The following PLCD4 variants were observed in gnomAD, a reference collection of about 807,000 sequenced individuals.
The protein encoded by PLCD4 is phospholipase C delta 4.
In PLCD4, 63 loss-of-function variants were observed where a neutral mutation model predicts 90.2. The observed-to-expected ratio is 0.70, with a 90% confidence interval of 0.57 to 0.86. PLCD4 has a LOEUF of 0.86. Among genes scored for constraint, PLCD4 ranks in the 40% least tolerant of loss-of-function variants. PLCD4 has a pLI of 0.00. For synonymous variants in PLCD4, 294 were observed against 356.5 expected (o/e 0.82, Z 1.97); for missense variants, 830 against 956.3 (o/e 0.87, Z 1.74).
At chr2:218,622,574 A>G in intron 5 of PLCD4, 73 bp from the exon 6 acceptor site, 1 of 1,134,550 alleles carries the variant, frequency 8.8e-7, no homozygotes, top group Non-Finnish European at 1.2e-6. Context: ...ATTTAAAAAA[A>G]AATTTTTTTA....
intron 3 of PLCD4, among the ~76,000 whole-genome samples, chr2:218,616,798 T>C (rs1695600992): frequency 6.8e-6 from 1 of 147,608 alleles, no homozygotes; most frequent in Non-Finnish European, 1.5e-5. Context: ...GATTAAACAG[T>C]ACCTGCTTAG....
Position 218,636,734 on chromosome 2 carries a change from G to A in PLCD4, c.*157G>A, listed in dbSNP as rs1696781556. ...CCTCATTCTTCCTAACAAGCAATCT[G>A]GGACCTGATTTTCCACCTTTTTTCT... On this transcript the variant is annotated 3_prime_UTR_variant, in exon 16 of 16. Transcript: ENST00000450993. The A allele has an allele frequency of 1.3e-6, 1 of 790,218 alleles. No homozygotes were observed. The highest frequency in any genetic ancestry group is 1.7e-5 in the African/African-American group (1 of 57,772). The allele number at this position is 790,218 out of a possible 1,614,324, so 49.0% of individuals were successfully genotyped here.
Position 218,636,364 on chromosome 2 carries a change from C to T in PLCD4, c.2154C>T (p.Tyr718=), listed in dbSNP as rs1239549686. ...WKSRNDFIGQ[Y]TLPWTCMQQG... ...CCCGAAATGACTTTATTGGTCAGTA[C>T]ACCCTGCCTTGGACCTGCATGCAAC... The change falls in exon 15 of 16, where the codon TAC becomes TAT. Residue 718 remains tyrosine, a synonymous_variant. Transcript: ENST00000450993. The T allele has an allele frequency of 6.2e-7, 1 of 1,614,016 alleles. No individual in the cohort carries two copies. Among genetic ancestry groups the T allele is most frequent in the South Asian group, 1.1e-5 (1 of 91,084 alleles).
intron 4 of PLCD4, among the ~76,000 whole-genome samples, chr2:218,619,266 C>CATAT (rs3074252): frequency 4.6e-4 from 68 of 146,800 alleles, no homozygotes; most frequent in African/African-American, 1.6e-3. Flanking sequence ...TATAGGGGTA[C>CATAT]ATATATATAT....
chr2:218,635,917 A>C lies in PLCD4; in HGVS notation c.2018A>C (p.Tyr673Ser). ...GACACAGCACGGCAGGAGACCAACT[A>C]TGTGGAGAACAATGGTGAGAAACTG... is the stretch of plus-strand genomic sequence containing the variant. The part of the protein sequence containing the change: ...RLDTARQETN[Y>S]VENNGFNPYW... Residue 673 changes from tyrosine to serine, a missense_variant, in exon 14 of 16, where the codon TAT becomes TCT. Tyr to Ser is a moderately radical substitution (Grantham distance 144, BLOSUM62 -2). Transcript: ENST00000450993. The C allele has an allele frequency of 2.5e-6, 4 of 1,614,010 alleles. No homozygotes were observed. The highest frequency in any genetic ancestry group is 2.5e-6 in the Non-Finnish European group (3 of 1,179,890).
In PLCD4 at chr2:218,629,505, T is replaced by C; in HGVS notation, c.975-14T>C. Reference sequence around the variant, plus strand: ...GACCTCTCCTATTTCTCGGTGGGGATGGGGTTCTTTCAGGGCCCTGAAGCG... The same window carrying C: ...GACCTCTCCTATTTCTCGGTGGGGACGGGGTTCTTTCAGGGCCCTGAAGCG... On this transcript the variant is annotated splice_polypyrimidine_tract_variant and intron_variant, in intron 7 of 15. Coordinates refer to ENST00000450993, the MANE Select transcript of PLCD4 (RefSeq NM_032726.4). 1 of 1,608,516 alleles carries C rather than the reference T, an allele frequency of 6.2e-7. No homozygotes were observed. The highest frequency in any genetic ancestry group is 1.1e-5 in the South Asian group (1 of 90,638).
rs1696415262 is a variant in PLCD4 at position 218,632,262 on chromosome 2, A to G, written c.1399A>G (p.Thr467Ala). 1 of 1,611,552 alleles carries G rather than the reference A, an allele frequency of 6.2e-7. No homozygotes were observed. Among genetic ancestry groups the G allele is most frequent in the Non-Finnish European group, 8.5e-7 (1 of 1,178,916 alleles). Residue 467 changes from threonine to alanine, a missense_variant, in exon 10 of 16, where the codon ACT becomes GCT. Thr to Ala is a moderately conservative substitution (Grantham distance 58). Coordinates refer to ENST00000450993, the MANE Select transcript of PLCD4 (RefSeq NM_032726.4). The part of the protein sequence containing the change: ...SELALESQFE[T>A]EPEPQEQNLQ... ...ATTGGCGCTGGAGTCCCAGTTTGAG[A>G]CTGAGCCTGAGCCCCAGGAGCAGAA...
Position 218,618,620 on chromosome 2 carries a change from T to A in PLCD4, c.223T>A (p.Ser75Thr). The part of the protein sequence containing the change: ...DVETIRNGHD[S>T]ELLRSLAEEL... ...GGAGACAATACGTAATGGCCATGATTCCGAGTTGCTGCGTAGCCTGGCAGA... is the reference window on the plus strand; with the variant it reads ...GGAGACAATACGTAATGGCCATGATACCGAGTTGCTGCGTAGCCTGGCAGA... The change falls in exon 4 of 16, where the codon TCC becomes ACC. Residue 75 changes from serine (S) to threonine (T), a missense_variant. By Grantham distance (58) the Ser-to-Thr change is moderately conservative (BLOSUM62 1). Coordinates refer to ENST00000450993, the MANE Select transcript of PLCD4 (RefSeq NM_032726.4). 1 of 1,614,078 alleles carries A rather than the reference T, an allele frequency of 6.2e-7. No individual in the cohort carries two copies. The highest frequency in any genetic ancestry group is 8.5e-7 in the Non-Finnish European group (1 of 1,179,904).
chr2:218,634,511 T>A lies in PLCD4; in HGVS notation c.1777T>A (p.Phe593Ile). The change falls in exon 13 of 16, where the codon TTC becomes ATC. Residue 593 changes from phenylalanine to isoleucine, a missense_variant. Transcript: ENST00000450993. The surrounding 1 kb of genome is among the most constrained non-coding windows in gnomAD (Gnocchi z 4.0). ...TGAAATGGACATCTGTGATGGGCAT[T>A]TCCGCCAGAATGGCGGCTGTGGCTA... is the stretch of plus-strand genomic sequence containing the variant. ...GLEMDICDGH[F>I]RQNGGCGYVL... is the part of the protein sequence containing the mutation. 6.2e-7 allele frequency: 1 copy of A among 1,614,068 alleles called. No homozygotes were observed. The highest frequency in any genetic ancestry group is 8.5e-7 in the Non-Finnish European group (1 of 1,179,894).
In PLCD4 at chr2:218,630,706, G is replaced by A. The variant is rs760889280; in HGVS notation, c.1176G>A (p.Gln392=). ...AGACCCACTGCAGCTGGGAGCAGCA[G>A]CAGACCATGGCCCGTCATCTGACTG... The part of the protein sequence containing the change: ...SLETHCSWEQ[Q]QTMARHLTEI... Residue 392 remains glutamine, a synonymous_variant, in exon 9 of 16, where the codon CAG becomes CAA. Coordinates refer to ENST00000450993, the MANE Select transcript of PLCD4 (RefSeq NM_032726.4). The A allele has an allele frequency of 8.1e-6, 13 of 1,614,052 alleles. No individual in the cohort carries two copies. In the South Asian group the frequency reaches 1.1e-4, roughly 14 times the overall value.
intron 1 of PLCD4, chr2:218,609,313 C>T (rs192499413): frequency 6.6e-6 from 1 of 152,184 alleles, no homozygotes; most frequent in East Asian, 1.9e-4. Flanking sequence ...ACCCTGAATC[C>T]CACTGTAATC....
rs571131817 is a variant in PLCD4 at position 218,611,806 on chromosome 2, C to T, written c.-34+3736C>T. On this transcript the variant is annotated intron_variant, in intron 1 of 15. Transcript: ENST00000450993. ...TAGAGACGGGGTTTCACTATGTTGG[C>T]GAGGCTTGTCTCAAACTCCTGACCT... 5.9e-5 allele frequency among the ~76,000 whole-genome samples: 9 copies of T among 152,068 alleles called. 1 individual carries two copies. The East Asian group carries it at 1.2e-3, about 20-fold the overall frequency.
At position 218,613,786 on chromosome 2, in the gene PLCD4, C is replaced by T. The variant is rs146779692; in HGVS notation, c.-33-1921C>T. ...CTCAATATGTTGCTCACACTGGTCT[C>T]GAACTCCTGGGCCCAAGCAATCCTC... On this transcript the variant is annotated intron_variant, in intron 1 of 15. Coordinates refer to ENST00000450993, the MANE Select transcript of PLCD4 (RefSeq NM_032726.4). Among the ~76,000 whole-genome samples the T allele has an allele frequency of 1.5e-3, 232 of 152,178 alleles. 1 individual carries two copies. Among genetic ancestry groups the T allele is most frequent in the African/African-American group, 4.7e-3 (196 of 41,510 alleles).
chr2:218,630,879 C>T (rs1696331860), intron 9 of PLCD4, 77 bp downstream of exon 9: 1 of 1,420,844 alleles, frequency 7.0e-7, no homozygotes, highest in South Asian at 1.4e-5. Flanking sequence ...CCTCTATGCC[C>T]CTCTTTGTTC....
chr2:218,622,933 G>A, intron 6 of PLCD4, 55 bp downstream of exon 6: 1 of 1,474,304 alleles, frequency 6.8e-7, no homozygotes, highest in Non-Finnish European at 9.3e-7. Context: ...AGAGGGACAT[G>A]ATTACAAGGT....
intron 6 of PLCD4, among the ~76,000 whole-genome samples, chr2:218,625,229 A>C (rs1475156226): frequency 6.6e-6 from 1 of 151,778 alleles, no homozygotes; most frequent in Non-Finnish European, 1.5e-5. Flanking sequence ...AAAAAGCAAG[A>C]AAGAAAAGAG....
chr2:218,628,186 G>T lies in PLCD4; in HGVS notation c.930G>T (p.Val310=), dbSNP rs758772398. ...FICSSHNTYL[V]GDQLCGQSSV... is the part of the protein sequence containing the mutation. Reference sequence around the variant, plus strand: ...GCTCTTCTCATAACACCTACCTAGTGGGGGACCAGCTTTGTGGCCAGAGCA... The same window carrying T: ...GCTCTTCTCATAACACCTACCTAGTTGGGGACCAGCTTTGTGGCCAGAGCA... Residue 310 remains valine (V), a synonymous_variant, in exon 7 of 16, where the codon GTG becomes GTT. Coordinates refer to ENST00000450993, the MANE Select transcript of PLCD4 (RefSeq NM_032726.4). 2 of 1,614,032 alleles carry T rather than the reference G, an allele frequency of 1.2e-6. No individual in the cohort carries two copies. The highest frequency in any genetic ancestry group is 1.3e-5 in the African/African-American group (1 of 75,052).
At chr2:218,623,682 C>T (rs1283314111) in intron 6 of PLCD4, among the ~76,000 whole-genome samples, 1 of 152,036 alleles carries the variant, frequency 6.6e-6, no homozygotes, top group African/African-American at 2.4e-5. Context: ...TTTCCTTTTT[C>T]TATTTTTTTG....
chr2:218,615,579 G>A (rs1575015056), intron 1 of PLCD4, 128 bp from the exon 2 acceptor site: 1 of 669,682 alleles, frequency 1.5e-6, no homozygotes, highest in Non-Finnish European at 2.4e-6. Flanking sequence ...ATCCTTATGT[G>A]ATTTGAGGCA....
Sources: gnomAD v4.1 joint callset for allele counts (sites outside exome capture counted in the v4.1 genomes callset) on GRCh38, gnomAD v4.1.1 for gene constraint, Gnocchi (gnomAD v3.1) non-coding constraint, MANE v1.5 for transcripts, NCBI Gene and HGNC (gene_info 2026-07-23, HGNC 2026-07-21) for gene names.